Variants in COL18A1 observed in about 807,000 individuals in gnomAD.
The protein encoded by COL18A1 is collagen alpha-1(XVIII) chain.
In COL18A1, 133 loss-of-function variants were observed where a neutral mutation model predicts 168.0. The observed-to-expected ratio is 0.79, with a 90% CI of 0.69 to 0.91. COL18A1 has a LOEUF of 0.91. Among genes scored for constraint, COL18A1 ranks in the 40% least tolerant of loss-of-function variants. The probability of loss-of-function intolerance (pLI) is 0.00; values close to 1 mark genes in which losing one functional copy is unlikely to be tolerated. For synonymous variants in COL18A1, 949 were observed against 809.0 expected (o/e 1.17, Z -2.94); for missense variants, 2,126 against 1,925.4 (o/e 1.10, Z -1.95).
At chr21:45,488,354 G>T (rs144016732) in intron 17 of COL18A1, 64 bp from the exon 18 acceptor site, 1 of 1,611,146 alleles carries the variant, frequency 6.2e-7, no homozygotes, top group Non-Finnish European at 8.5e-7. Flanking sequence ...CTTTTCTTGC[G>T]GCAGACGCAT....
chr21:45,417,422 C>T (rs754255275), intron 2 of COL18A1, among the ~76,000 whole-genome samples: 4 of 152,202 alleles, frequency 2.6e-5, no homozygotes, highest in Non-Finnish European at 4.4e-5. Context: ...CTGGGTTCCC[C>T]GGGGCTTGGG....
chr21:45,494,853 C>T lies in COL18A1; in HGVS notation c.2380-9C>T. On this transcript the variant is annotated splice_polypyrimidine_tract_variant and intron_variant, in intron 27 of 41. Coordinates refer to ENST00000651438, the MANE Select transcript of COL18A1 (RefSeq NM_001379500.1). The stretch of plus-strand genomic sequence containing the variant: ...TGCCCCACTAAGCCTGGCCCCCTTC[C>T]TCTTGCAGGGTCCATACGGACGGCC... 2.5e-6 allele frequency: 4 copies of T among 1,606,944 alleles called. No individual in the cohort carries two copies. Among genetic ancestry groups the T allele is most frequent in the South Asian group, 1.1e-5 (1 of 89,966 alleles).
chr21:45,512,274 C>T lies in COL18A1; in HGVS notation c.3896C>T (p.Pro1299Leu). 1 of 1,611,970 alleles carries T rather than the reference C, an allele frequency of 6.2e-7. No homozygotes were observed. Among genetic ancestry groups the T allele is most frequent in the Non-Finnish European group, 8.5e-7 (1 of 1,179,640 alleles). Residue 1299 changes from proline to leucine, a missense_variant, in exon 42 of 42, where the codon CCC (proline) becomes CTC (leucine). Coordinates refer to ENST00000651438, the MANE Select transcript of COL18A1 (RefSeq NM_001379500.1). ...TGTGAGACGTGGCGGACGGAGGCTC[C>T]CTCGGCCACGGGCCAGGCCTCCTCG... ...SYCETWRTEA[P>L]SATGQASSLL...
Position 45,482,029 on chromosome 21 carries a change from A to G in COL18A1, c.1674+4A>G. On this transcript the variant is annotated splice_donor_region_variant and intron_variant, in intron 14 of 41. Transcript: ENST00000651438. ...GACTGGGCAGAAAGGCAGCCTGGTA[A>G]GTCTTCCCTCGAGTCCAGGGTGAGT... 1 of 1,612,712 alleles carries G rather than the reference A, an allele frequency of 6.2e-7. No homozygotes were observed. The highest frequency in any genetic ancestry group is 1.1e-5 in the South Asian group (1 of 90,972).
intron 2 of COL18A1, chr21:45,421,321 C>T (rs1368716554): frequency 2.1e-6 from 1 of 474,544 alleles, no homozygotes. Flanking sequence ...CACGGTCACG[C>T]TTGCACGGGG....
At chr21:45,459,779 G>A (rs551609370) in intron 2 of COL18A1, among the ~76,000 whole-genome samples, 69 of 152,284 alleles carry the variant, frequency 4.5e-4, no homozygotes, top group African/African-American at 1.3e-3. Flanking sequence ...GTGAGCGAGC[G>A]GGGCTTGGGC....
rs145480081 is a variant in COL18A1, at chr21:45,427,955, G to A, written c.106+22482G>A. Among the ~76,000 whole-genome samples, 470 of 152,300 alleles carry A rather than the reference G, an allele frequency of 3.1e-3. 4 individuals are homozygous for A. The highest frequency in any genetic ancestry group is 0.011 in the African/African-American group (442 of 41,562). ...GGACTTCCCTGCTTGTTCTGTCCTG[G>A]GAGATGTTGTCCCTGGCCCTGCAGA... On this transcript the variant is annotated intron_variant, in intron 2 of 41. Coordinates refer to ENST00000651438, the MANE Select transcript of COL18A1 (RefSeq NM_001379500.1).
chr21:45,438,300 ACACT>A (rs1353355275), intron 2 of COL18A1, among the ~76,000 whole-genome samples: 20 of 113,790 alleles, frequency 1.8e-4, no homozygotes, highest in Non-Finnish European at 3.0e-4. Flanking sequence ...GCACACACAC[ACACT>A]CAGACACACA....
At chr21:45,406,324 C>G (rs373267991) in intron 2 of COL18A1, among the ~76,000 whole-genome samples, 15 of 152,356 alleles carry the variant, frequency 9.8e-5, no homozygotes, top group African/African-American at 3.6e-4. Flanking sequence ...GACTCGACTC[C>G]ACACCTGCTT....
At position 45,473,925 on chromosome 21, in the gene COL18A1, G is replaced by T; in HGVS notation, c.682G>T (p.Asp228Tyr). 1 of 1,606,022 alleles carries T rather than the reference G, an allele frequency of 6.2e-7. No homozygotes were observed. Among genetic ancestry groups the T allele is most frequent in the Non-Finnish European group, 8.5e-7 (1 of 1,176,462 alleles). ...GVIAELKVRR[D>Y]PQVSPMHCLD... ...GATCGCTGAGCTGAAGGTGCGCAGG[G>T]ACCCCCAGGTGAGCCCCATGCACTG... The change falls in exon 4 of 42, where the codon GAC (aspartate) becomes TAC (tyrosine). Residue 228 changes from aspartate to tyrosine, a missense_variant. By Grantham distance (160) the Asp-to-Tyr change is radical. Coordinates refer to ENST00000651438, the MANE Select transcript of COL18A1 (RefSeq NM_001379500.1). The surrounding 1 kb of genome is among the most constrained non-coding windows in gnomAD (Gnocchi z 4.0).
intron 2 of COL18A1, among the ~76,000 whole-genome samples, chr21:45,411,777 C>CG: frequency 1.5e-5 from 1 of 66,904 alleles, no homozygotes; most frequent in South Asian, 4.8e-4. Flanking sequence ...GGGGGGGGGG[C>CG]AGGCTGTGGT....
chr21:45,492,121 C>T (rs576372190), intron 22 of COL18A1, among the ~76,000 whole-genome samples: 226 of 152,284 alleles, frequency 1.5e-3, no homozygotes, highest in Non-Finnish European at 2.7e-3. Context: ...AGAGGGCTTG[C>T]CCCAGCACGG....
Position 45,405,405 on chromosome 21 carries a change from G to T in COL18A1, c.38G>T (p.Arg13Leu). 5.3e-6 allele frequency: 7 copies of T among 1,319,132 alleles called. No homozygotes were observed. The highest frequency in any genetic ancestry group is 6.8e-6 in the Non-Finnish European group (7 of 1,031,000). The allele number at this position is 1,319,132 out of a possible 1,614,324, so 81.7% of individuals were successfully genotyped here. ...TGCCCCTGGCCATGGCCGCGGCGGC[G>T]GCGCCTCCTGGACGTGCTCGCGCCC... ...PRCPWPWPRRRRLLDVLAPLV... is the reference protein window; with the variant it reads ...PRCPWPWPRRLRLLDVLAPLV... Residue 13 changes from arginine (R) to leucine (L), a missense_variant, in exon 2 of 42, where the codon CGG becomes CTG. By Grantham distance (102) the Arg-to-Leu change is moderately radical. Transcript: ENST00000651438.
chr21:45,418,767 A>AGCCACCTCCCGTCACTTCCTGG (rs1265496373), intron 2 of COL18A1, among the ~76,000 whole-genome samples: 2 of 151,582 alleles, frequency 1.3e-5, no homozygotes, highest in Non-Finnish European at 2.9e-5. Flanking sequence ...GGGGCCTCCA[A>AGCCACCTCCCGTCACTTCCTGG]GGCTGTCTCT....
chr21:45,504,916 G>GTCAGGTC (rs1419561395), intron 34 of COL18A1, among the ~76,000 whole-genome samples: 1 of 105,824 alleles, frequency 9.4e-6, no homozygotes, highest in Non-Finnish European at 1.8e-5. Context: ...CCACACTGTT[G>GTCAGGTC]TCAGGTCTCT....
At chr21:45,481,372 T>G (rs3818657) in intron 13 of COL18A1, among the ~76,000 whole-genome samples, 47,546 of 151,894 alleles carry the variant, frequency 0.31, 7,529 homozygotes, top group African/African-American at 0.39. Flanking sequence ...AGGTCATGAC[T>G]GGCAGCAGGT....
intron 24 of COL18A1, 44 bp downstream of exon 24, chr21:45,492,757 G>A (rs901735581): frequency 1.2e-6 from 1 of 810,614 alleles, no homozygotes; most frequent in African/African-American, 3.1e-5. Context: ...CGGCTGGGGA[G>A]GGGTCTCCAC....
Position 45,439,582 on chromosome 21 carries a change from C to T in COL18A1, c.107-28660C>T, listed in dbSNP as rs371243415. Among the ~76,000 whole-genome samples, 9 of 146,944 alleles carry T rather than the reference C, an allele frequency of 6.1e-5. No homozygotes were observed. In the South Asian group the frequency reaches 8.3e-4, roughly 14 times the overall value. On this transcript the variant is annotated intron_variant, in intron 2 of 41. Coordinates refer to ENST00000651438, the MANE Select transcript of COL18A1 (RefSeq NM_001379500.1). ...CTCTGGCTCCCCCTGGCGGCCGGTC[C>T]CTGGCTTGACGGAAGCGCGTCGCGC...
chr21:45,406,744 G>T (rs756108816), intron 2 of COL18A1, among the ~76,000 whole-genome samples: 3 of 152,256 alleles, frequency 2.0e-5, no homozygotes, highest in Non-Finnish European at 4.4e-5. Context: ...AGACGCTGGG[G>T]CCCAAGCCCG....
Sources: gnomAD v4.1 joint callset for allele counts (sites outside exome capture counted in the v4.1 genomes callset) on GRCh38, gnomAD v4.1.1 for gene constraint, Gnocchi (gnomAD v3.1) non-coding constraint, MANE v1.5 for transcripts, NCBI Gene and HGNC (gene_info 2026-07-23, HGNC 2026-07-21) for gene names.